CCDC171: variants seen among roughly 807,000 people sequenced by gnomAD.
CCDC171 encodes coiled-coil domain containing 171.
A neutral mutation model predicts 168.2 loss-of-function variants in CCDC171; 177 were observed. The ratio of observed to expected loss-of-function variants is 1.05; its 90% CI spans 0.93 to 1.19. The LOEUF is 1.19. CCDC171 is among the 50% of genes most tolerant of loss of function. The probability of loss-of-function intolerance (pLI) is 0.00; values close to 1 mark genes in which losing one functional copy is unlikely to be tolerated. For synonymous variants in CCDC171, 687 were observed against 540.8 expected (o/e 1.27, Z -3.75); for missense variants, 1,991 against 1,539.0 (o/e 1.29, Z -4.91).
At chr9:15,658,798 G>C (rs1231745297) in intron 8 of CCDC171, among the ~76,000 whole-genome samples, 1 of 152,154 alleles carries the variant, frequency 6.6e-6, no homozygotes, top group East Asian at 1.9e-4. Context: ...GCTGACACGT[G>C]ACTTTAGCCC....
chr9:15,625,683 T>C (rs2045018784), intron 7 of CCDC171, among the ~76,000 whole-genome samples: 1 of 152,178 alleles, frequency 6.6e-6, no homozygotes, highest in Non-Finnish European at 1.5e-5. Flanking sequence ...TATATCTCTG[T>C]TTTGGTAGCA....
At chr9:15,829,083 T>C (rs1246460107) in intron 21 of CCDC171, among the ~76,000 whole-genome samples, 1 of 152,208 alleles carries the variant, frequency 6.6e-6, no homozygotes, top group East Asian at 1.9e-4. Context: ...TTCAAATATA[T>C]TGTTACATTC....
chr9:15,901,877 A>G (rs1341732), intron 24 of CCDC171, among the ~76,000 whole-genome samples: 50,175 of 152,056 alleles, frequency 0.33, 10,293 homozygotes, highest in East Asian at 0.62. Context: ...ATTATTTTAC[A>G]TAGTACAGTC....
chr9:15,955,922 G>A (rs988692249), intron 25 of CCDC171, among the ~76,000 whole-genome samples: 2 of 152,168 alleles, frequency 1.3e-5, no homozygotes, highest in African/African-American at 4.8e-5. Context: ...AGTAAGAATT[G>A]AGAATTATCT....
the CCDC171 span, among the ~76,000 whole-genome samples, chr9:16,096,645 T>C: frequency 6.6e-6 from 1 of 152,212 alleles, no homozygotes; most frequent in East Asian, 1.9e-4. Flanking sequence ...ATTTATCCCC[T>C]GGTCCTCTCA....
intron 3 of CCDC171, among the ~76,000 whole-genome samples, chr9:16,016,096 C>T (rs969621699): frequency 1.3e-5 from 2 of 152,094 alleles, no homozygotes; most frequent in Admixed American, 1.3e-4. Context: ...ACATCTGTGT[C>T]CCTGCTTTCA....
At chr9:15,683,076 C>G (rs1284976822) in intron 10 of CCDC171, among the ~76,000 whole-genome samples, 1 of 151,940 alleles carries the variant, frequency 6.6e-6, no homozygotes, top group Non-Finnish European at 1.5e-5. Context: ...TTAAGTCCGT[C>G]ATTTCTTGAG....
At chr9:15,806,742 A>G (rs537376766) in intron 21 of CCDC171, among the ~76,000 whole-genome samples, 1 of 151,488 alleles carries the variant, frequency 6.6e-6, no homozygotes, top group East Asian at 2.0e-4. Flanking sequence ...GGTTCTCTGT[A>G]TTTCTTGAAT....
At chr9:15,914,860 C>A (rs1563993406) in intron 24 of CCDC171, among the ~76,000 whole-genome samples, 1 of 152,242 alleles carries the variant, frequency 6.6e-6, no homozygotes, top group East Asian at 1.9e-4. Flanking sequence ...CACCATCCCT[C>A]ACGTCAGGGT....
At chr9:15,974,882 A>G (rs1181886446), downstream of CCDC171, among the ~76,000 whole-genome samples, 1 of 152,144 alleles carries the variant, frequency 6.6e-6, no homozygotes, top group African/African-American at 2.4e-5. Flanking sequence ...AGTTGTCTGA[A>G]TTCATTCTGT....
At chr9:16,022,969 A>G (rs753791505) in intron 6 of CCDC171, 1 of 152,224 alleles carries the variant, frequency 6.6e-6, no homozygotes, top group Non-Finnish European at 1.5e-5. Context: ...ACAGAGCATC[A>G]TCATCTAAAT....
intron 21 of CCDC171, among the ~76,000 whole-genome samples, chr9:15,808,525 G>T (rs909264492): frequency 6.6e-6 from 1 of 152,152 alleles, no homozygotes; most frequent in Non-Finnish European, 1.5e-5. Context: ...TAGTAGACTG[G>T]GTGATCAGTG....
intron 6 of CCDC171, among the ~76,000 whole-genome samples, chr9:16,035,004 C>G (rs373926821): frequency 6.6e-6 from 1 of 152,178 alleles, no homozygotes; most frequent in African/African-American, 2.4e-5. Flanking sequence ...CCCCATCTTT[C>G]AACCAGATGG....
At chr9:15,865,277 A>G (rs923617514) in intron 23 of CCDC171, among the ~76,000 whole-genome samples, 2 of 152,118 alleles carry the variant, frequency 1.3e-5, no homozygotes, top group African/African-American at 4.8e-5. Flanking sequence ...ATACATTTTT[A>G]GTATGTATAA....
chr9:15,827,003 T>C (rs1422657781), intron 21 of CCDC171, among the ~76,000 whole-genome samples: 1 of 152,184 alleles, frequency 6.6e-6, no homozygotes, highest in African/African-American at 2.4e-5. Flanking sequence ...AACTAGGAGC[T>C]CTTTGTATAT....
intron 7 of CCDC171, among the ~76,000 whole-genome samples, chr9:15,656,829 TAATGG>T (rs1204224738): frequency 6.6e-6 from 1 of 151,988 alleles, no homozygotes; most frequent in Non-Finnish European, 1.5e-5. Flanking sequence ...GGCAGTGATT[TAATGG>T]ATGTGTACGT....
At chr9:15,963,223 C>T (rs1024572328) in intron 25 of CCDC171, among the ~76,000 whole-genome samples, 4 of 151,940 alleles carry the variant, frequency 2.6e-5, no homozygotes, top group Non-Finnish European at 4.4e-5. Flanking sequence ...GGAGATATAC[C>T]TAATGTTAAA....
chr9:15,886,767 C>CACACAG (rs1288413538), intron 24 of CCDC171: 1 of 150,692 alleles, frequency 6.6e-6, no homozygotes. Context: ...CACACACACA[C>CACACAG]ACACACACAC....
intron 21 of CCDC171, among the ~76,000 whole-genome samples, chr9:15,823,826 T>G (rs2059900585): frequency 6.6e-6 from 1 of 152,130 alleles, no homozygotes; most frequent in Non-Finnish European, 1.5e-5. Context: ...AAGTTGATAA[T>G]GTGATGTTTT....
Sources: gnomAD v4.1 joint callset for allele counts (sites outside exome capture counted in the v4.1 genomes callset) on GRCh38, gnomAD v4.1.1 for gene constraint, MANE v1.5 for transcripts, NCBI Gene and HGNC (gene_info 2026-07-23, HGNC 2026-07-21) for gene names.